Variants in CPS1 observed in about 807,000 individuals in gnomAD.
The protein encoded by CPS1 is carbamoyl-phosphate synthase 1, also known as carbamoyl-phosphate synthase [ammonia], mitochondrial.
CPS1 carries 109 observed loss-of-function variants against 174.6 expected under a neutral mutation model. The ratio of observed to expected loss-of-function variants is 0.62; its 90% CI spans 0.53 to 0.73. The LOEUF (loss-of-function observed/expected upper bound fraction) is 0.73. Ranked by LOEUF, CPS1 falls within the 30% of genes least tolerant of loss-of-function variation. CPS1 has a pLI of 0.00. For missense variants in CPS1, 1,689 were observed against 1,821.9 expected, an observed-to-expected ratio of 0.93 and a Z score of 1.33; for synonymous variants, 637 against 632.0, an observed-to-expected ratio of 1.01 and a Z score of -0.12.
At chr2:210,627,710 C>T (rs1699737729) in intron 21 of CPS1, among the ~76,000 whole-genome samples, 1 of 152,090 alleles carries the variant, frequency 6.6e-6, no homozygotes, top group African/African-American at 2.4e-5. Flanking sequence ...GTATGGTGGC[C>T]CTCACCACCT....
intron 1 of CPS1, among the ~76,000 whole-genome samples, chr2:210,518,462 A>C (rs1436674913): frequency 6.6e-6 from 1 of 152,040 alleles, no homozygotes; most frequent in Non-Finnish European, 1.5e-5. Context: ...CAATGGAATG[A>C]AGGTGGAAGT....
intron 25 of CPS1, among the ~76,000 whole-genome samples, chr2:210,644,575 T>C (rs1700318374): frequency 6.6e-6 from 1 of 152,158 alleles, no homozygotes; most frequent in African/African-American, 2.4e-5. Context: ...AAATTGGAGA[T>C]AATTCATAAA....
chr2:210,484,791 T>C (rs1574458408), intron 1 of CPS1, among the ~76,000 whole-genome samples: 2 of 152,360 alleles, frequency 1.3e-5, no homozygotes, highest in East Asian at 3.9e-4. Context: ...GTGTAGGAGA[T>C]AGACTTCAGA....
intron 1 of CPS1, among the ~76,000 whole-genome samples, chr2:210,505,105 T>C (rs1484580295): frequency 6.6e-6 from 1 of 151,972 alleles, no homozygotes; most frequent in Non-Finnish European, 1.5e-5. Flanking sequence ...TCATGCTGTA[T>C]TGGGCATGAA....
In CPS1 at chr2:210,510,538, A is replaced by G. The variant is rs191335015; in HGVS notation, c.3+32772A>G. Reference sequence around the variant, plus strand: ...CAAAAGCCAAAACTGACAAATGGGAACTAATTAAACTAAAGAGCTTCTGCA... The same window carrying G: ...CAAAAGCCAAAACTGACAAATGGGAGCTAATTAAACTAAAGAGCTTCTGCA... On this transcript the variant is annotated intron_variant, in intron 1 of 38. Coordinates refer to the CPS1 transcript ENST00000430249. 4.9e-3 allele frequency among the ~76,000 whole-genome samples: 744 copies of G among 152,276 alleles called. 1 individual carries two copies. Among genetic ancestry groups the G allele is most frequent in the Middle Eastern group, 0.014 (4 of 294 alleles).
At chr2:210,666,291 A>G (rs1701093923) in intron 33 of CPS1, among the ~76,000 whole-genome samples, 1 of 148,958 alleles carries the variant, frequency 6.7e-6, no homozygotes, top group Admixed American at 6.7e-5. Flanking sequence ...GTTCACTCTG[A>G]TGGTAGTTTC....
intron 4 of CPS1, among the ~76,000 whole-genome samples, chr2:210,578,768 T>C (rs767848704): frequency 1.9e-4 from 29 of 152,170 alleles, no homozygotes; most frequent in Non-Finnish European, 3.8e-4. Context: ...ATCTTCCTTA[T>C]CCAGGCAGCT....
chr2:210,548,165 CTAA>C (rs1696612824), intron 1 of CPS1, among the ~76,000 whole-genome samples: 1 of 151,900 alleles, frequency 6.6e-6, no homozygotes, highest in African/African-American at 2.4e-5. Context: ...TAATATAGTA[CTAA>C]TAATACTTTT....
At chr2:210,498,644 TC>T (rs1254146873) in intron 1 of CPS1, among the ~76,000 whole-genome samples, 2 of 152,176 alleles carry the variant, frequency 1.3e-5, no homozygotes, top group African/African-American at 4.8e-5. Context: ...GCCTTTTATT[TC>T]CCTCTCTTGC....
At chr2:210,618,481 GCAAACCTAAACCCT>G (rs1699393826) in intron 21 of CPS1, 6 of 152,080 alleles carry the variant, frequency 3.9e-5, no homozygotes, top group Non-Finnish European at 7.4e-5. Flanking sequence ...CACGGCGTTA[GCAAACCTAAACCCT>G]GAACTCATTA....
At chr2:210,649,388 A>G (rs1004694290) in intron 27 of CPS1, among the ~76,000 whole-genome samples, 1 of 152,154 alleles carries the variant, frequency 6.6e-6, no homozygotes, top group South Asian at 2.1e-4. Context: ...TTTGCAATCT[A>G]TATCTTTGTT....
At chr2:210,590,691 C>G (rs767334643) in intron 8 of CPS1, 109 bp from the exon 9 acceptor site, 104 of 793,156 alleles carry the variant, frequency 1.3e-4, no homozygotes, top group Non-Finnish European at 1.9e-4. Context: ...AATTCAGTTA[C>G]TATTCTCTTT....
At chr2:210,572,010 A>AT (rs951265457) in intron 1 of CPS1, among the ~76,000 whole-genome samples, 11 of 150,152 alleles carry the variant, frequency 7.3e-5, no homozygotes, top group Non-Finnish European at 1.3e-4. Flanking sequence ...AAGAATTAGT[A>AT]TTTTTTTTTG....
At chr2:210,516,768 C>G (rs935021442) in intron 1 of CPS1, among the ~76,000 whole-genome samples, 2 of 151,942 alleles carry the variant, frequency 1.3e-5, no homozygotes, top group Admixed American at 6.6e-5. Flanking sequence ...TCTATCATCC[C>G]TTACTTGTCC....
intron 21 of CPS1, among the ~76,000 whole-genome samples, chr2:210,627,656 ACTCT>A (rs1699736053): frequency 1.3e-5 from 2 of 152,072 alleles, no homozygotes; most frequent in African/African-American, 4.8e-5. Context: ...ACCCGAGAGC[ACTCT>A]CTCTCTAGAA....
chr2:210,561,876 T>C (rs1161655617), intron 1 of CPS1, among the ~76,000 whole-genome samples: 1 of 152,214 alleles, frequency 6.6e-6, no homozygotes, highest in Non-Finnish European at 1.5e-5. Context: ...TCTTTTAAAT[T>C]TCATAGGGAG....
Position 210,605,137 on chromosome 2 carries a change from G to C in CPS1, c.1872G>C (p.Lys624Asn). 1.2e-6 allele frequency: 2 copies of C among 1,612,076 alleles called. No individual in the cohort carries two copies. The highest frequency in any genetic ancestry group is 1.7e-6 in the Non-Finnish European group (2 of 1,178,744). The change falls in exon 17 of 38, where the codon AAG becomes AAC. Residue 624 changes from lysine to asparagine, a missense_variant. By Grantham distance (94) the Lys-to-Asn change is moderately conservative (BLOSUM62 0). Coordinates refer to ENST00000233072, the MANE Select transcript of CPS1 (RefSeq NM_001875.5). Reference sequence around the variant, plus strand: ...TGACCAACCAAATTCTGGTGGAGAAGTCAGTGACAGGTTGGAAAGAAATAG... The same window carrying C: ...TGACCAACCAAATTCTGGTGGAGAACTCAGTGACAGGTTGGAAAGAAATAG... ...FAMTNQILVE[K>N]SVTGWKEIEY...
intron 1 of CPS1, among the ~76,000 whole-genome samples, chr2:210,550,310 A>C (rs1335216454): frequency 6.6e-6 from 1 of 151,802 alleles, no homozygotes; most frequent in African/African-American, 2.4e-5. Flanking sequence ...CATCAAATTG[A>C]ATCTTAACCA....
At position 210,590,793 on chromosome 2, in the gene CPS1, G is replaced by A. The variant is rs754897201; in HGVS notation, c.841-7G>A. On this transcript the variant is annotated splice_region_variant and splice_polypyrimidine_tract_variant and intron_variant, in intron 8 of 37. Coordinates refer to ENST00000233072, the MANE Select transcript of CPS1 (RefSeq NM_001875.5). ...TAATTGGTTAATAAAAATTCTCCCT[G>A]ATTTAGATTTTGGAGAGTGATCGCA... The A allele has an allele frequency of 7.5e-6, 12 of 1,607,590 alleles. No individual in the cohort carries two copies. The Admixed American group carries it at 2.0e-4, about 27-fold the overall frequency.
Sources: allele counts gnomAD v4.1 joint callset (sites outside exome capture counted in the v4.1 genomes callset), GRCh38; gene constraint gnomAD v4.1.1; transcripts MANE v1.5; gene names NCBI Gene and HGNC (gene_info 2026-07-23, HGNC 2026-07-21).